SPTBN2: variants seen among roughly 807,000 people sequenced by gnomAD.
SPTBN2 encodes spectrin beta chain, non-erythrocytic 2.
A neutral mutation model predicts 284.2 loss-of-function variants in SPTBN2; 107 were observed. That is an observed-to-expected ratio of 0.38 (90% CI 0.32 to 0.44). The LOEUF is 0.44. Among genes scored for constraint, SPTBN2 ranks in the 20% least tolerant of loss-of-function variants. The pLI is 1.00. For synonymous variants in SPTBN2, 1,289 were observed against 1,354.8 expected, an observed-to-expected ratio of 0.95 and a Z score of 1.07; for missense variants, 2,569 against 3,287.1, an observed-to-expected ratio of 0.78 and a Z score of 5.34.
rs1271546485 is a variant in SPTBN2, at chr11:66,708,989, C to T, written c.1104G>A (p.Leu368=). 2 of 1,613,936 alleles carry T rather than the reference C, an allele frequency of 1.2e-6. No homozygotes were observed. Among genetic ancestry groups the T allele is most frequent in the Non-Finnish European group, 1.7e-6 (2 of 1,179,962 alleles). The change falls in exon 11 of 38, where the codon CTG becomes CTA. Residue 368 remains leucine, a synonymous_variant. Coordinates refer to ENST00000533211, the MANE Select transcript of SPTBN2 (RefSeq NM_006946.4). This position sits in a 1 kb window ranked among gnomAD's most constrained non-coding sequence, Gnocchi z 4.4. ...GAAGCTTGCTCTGGATGGTGAAGAG[C>T]AGCACTTCCAAGTTCCCTTTCTCGG... The part of the protein sequence containing the change: ...KFTEKGNLEV[L]LFTIQSKLRA...
intron 1 of SPTBN2, among the ~76,000 whole-genome samples, chr11:66,724,768 A>C (rs1043155447): frequency 6.6e-6 from 1 of 152,138 alleles, no homozygotes; most frequent in Admixed American, 6.5e-5. Context: ...GAAGCCAGAA[A>C]GGTTCTGCCT....
At chr11:66,719,226 A>C (rs1282012309) in intron 3 of SPTBN2, among the ~76,000 whole-genome samples, 1 of 152,242 alleles carries the variant, frequency 6.6e-6, no homozygotes, top group Non-Finnish European at 1.5e-5. Flanking sequence ...CTGTGAAACG[A>C]GGGCTGTTAC....
At chr11:66,738,676 C>T (rs558477541) in intron 1 of SPTBN2, among the ~76,000 whole-genome samples, 55 of 151,290 alleles carry the variant, frequency 3.6e-4, no homozygotes, top group South Asian at 2.1e-3. Flanking sequence ...CCACCACGCC[C>T]GGCTAATTTT....
chr11:66,720,603 C>G (rs1942352138), intron 3 of SPTBN2, among the ~76,000 whole-genome samples: 1 of 152,004 alleles, frequency 6.6e-6, no homozygotes, highest in Non-Finnish European at 1.5e-5. Context: ...AGGGAACAGG[C>G]AGATGAGATA....
intron 1 of SPTBN2, among the ~76,000 whole-genome samples, chr11:66,737,064 T>G (rs1441924177): frequency 6.6e-6 from 1 of 152,252 alleles, no homozygotes; most frequent in Non-Finnish European, 1.5e-5. Context: ...TAAATAGTGC[T>G]TGTCAGATGC....
intron 27 of SPTBN2, 31 bp from the exon 28 acceptor site, chr11:66,690,314 G>C: frequency 6.4e-7 from 1 of 1,569,282 alleles, no homozygotes; most frequent in Non-Finnish European, 8.6e-7. Context: ...GTCAGGCAGA[G>C]CGGGGGACTC....
chr11:66,721,383 G>T lies in SPTBN2; in HGVS notation c.-56C>A. 8.5e-7 allele frequency: 1 copy of T among 1,180,900 alleles called. No homozygotes were observed. Among genetic ancestry groups the T allele is most frequent in the Non-Finnish European group, 1.2e-6 (1 of 805,946 alleles). The allele number at this position is 1,180,900 out of a possible 1,614,324, so 73.2% of individuals were successfully genotyped here. On this transcript the variant is annotated 5_prime_UTR_variant, in exon 2 of 38. Coordinates refer to ENST00000533211, the MANE Select transcript of SPTBN2 (RefSeq NM_006946.4). ...CGCTCTCCTTGTGGCCAGAGGCTGCGGTTGGCTGCTCAGTGGAAATCAGCC... is the reference window on the plus strand; with the variant it reads ...CGCTCTCCTTGTGGCCAGAGGCTGCTGTTGGCTGCTCAGTGGAAATCAGCC...
At position 66,688,042 on chromosome 11, in the gene SPTBN2, T is replaced by C. The variant is rs1263554387; in HGVS notation, c.6412A>G (p.Ser2138Gly). Reference sequence around the variant, plus strand: ...CCATCTGTGCAGACTCCATTAACACTGGGTGCTTGTGTGGATGGTGGTGGC... The same window carrying C: ...CCATCTGTGCAGACTCCATTAACACCGGGTGCTTGTGTGGATGGTGGTGGC... The part of the protein sequence containing the change: ...PRPPPSTQAP[S>G]VNGVCTDGEP... Residue 2138 changes from serine (S) to glycine (G), a missense_variant, in exon 33 of 38, where the codon AGT (serine) becomes GGT (glycine). Physicochemically the swap from Ser to Gly is moderately conservative, Grantham distance 56. Transcript: ENST00000533211. 1 of 1,614,042 alleles carries C rather than the reference T, an allele frequency of 6.2e-7. No homozygotes were observed. The highest frequency in any genetic ancestry group is 8.5e-7 in the Non-Finnish European group (1 of 1,180,030).
rs1941419029 is a variant in SPTBN2, at chr11:66,704,581, G to A, written c.2678+17C>T. The A allele has an allele frequency of 6.2e-7, 1 of 1,608,424 alleles. No individual in the cohort carries two copies. Among genetic ancestry groups the A allele is most frequent in the Admixed American group, 1.7e-5 (1 of 59,726 alleles). ...CACCTCCCAAGGCTGGTCCCACTAG[G>A]AGCCTGAGGGGCCTACCTCTGCTGC... is the stretch of plus-strand genomic sequence containing the variant. On this transcript the variant is annotated intron_variant, in intron 15 of 37. Transcript: ENST00000533211.
At chr11:66,724,257 A>C (rs985572231) in intron 1 of SPTBN2, among the ~76,000 whole-genome samples, 1 of 152,172 alleles carries the variant, frequency 6.6e-6, no homozygotes, top group African/African-American at 2.4e-5. Flanking sequence ...CCCCGTCTCT[A>C]CTAAAAATAC....
chr11:66,705,794 A>G lies in SPTBN2; in HGVS notation c.1697T>C (p.Val566Ala), dbSNP rs751682169. The change falls in exon 14 of 38, where the codon GTG (valine) becomes GCG (alanine). Residue 566 changes from valine to alanine, a missense_variant. By Grantham distance (64) the Val-to-Ala change is moderately conservative. This residue lies in a region of SPTBN2 where 1,012 missense variants were observed against 1,248.9 expected (regional missense o/e 0.81). Transcript: ENST00000533211. The stretch of plus-strand genomic sequence containing the variant: ...CTCGTGCAGCTGCAGCAGGTCCTCC[A>G]CTCCTGCTAGGTGCCTGCCCAGGTC... Reference protein sequence around the residue: ...SQDLGRHLAGVEDLLQLHELV... With the variant: ...SQDLGRHLAGAEDLLQLHELV... The G allele has an allele frequency of 3.1e-6, 5 of 1,611,710 alleles. No homozygotes were observed. The highest frequency in any genetic ancestry group is 8.5e-7 in the Non-Finnish European group (1 of 1,179,684).
In SPTBN2 at chr11:66,693,140, G is replaced by A; in HGVS notation, c.4855-40C>T. The A allele has an allele frequency of 2.5e-6, 4 of 1,614,208 alleles. No individual in the cohort carries two copies. The highest frequency in any genetic ancestry group is 3.4e-6 in the Non-Finnish European group (4 of 1,180,034). ...AGTGGCATCCAGCATCAGGTCAGGG[G>A]AGGGCAGAACTGGTCACATACACTG... On this transcript the variant is annotated intron_variant, in intron 24 of 37. Coordinates refer to ENST00000533211, the MANE Select transcript of SPTBN2 (RefSeq NM_006946.4). The surrounding 1 kb of genome is among the most constrained non-coding windows in gnomAD (Gnocchi z 5.7).
intron 3 of SPTBN2, among the ~76,000 whole-genome samples, chr11:66,717,477 A>G (rs928559626): frequency 2.0e-5 from 3 of 152,138 alleles, no homozygotes; most frequent in Non-Finnish European, 4.4e-5. Context: ...AGACACAGCA[A>G]CACACCCACG....
intron 8 of SPTBN2, chr11:66,712,957 C>T (rs548808761): frequency 9.1e-5 from 14 of 153,464 alleles, no homozygotes; most frequent in East Asian, 7.8e-4. Flanking sequence ...GTGATCCTCT[C>T]GCCTCAGCCT....
At chr11:66,692,320 T>C (rs142647969) in intron 26 of SPTBN2, among the ~76,000 whole-genome samples, 1 of 152,198 alleles carries the variant, frequency 6.6e-6, no homozygotes, top group Non-Finnish European at 1.5e-5. Flanking sequence ...CAAGCAATCC[T>C]CCCATCTCAG....
Position 66,691,240 on chromosome 11 carries a change from G to GGCCTCCTCTAAGCCTCCCCC in SPTBN2, c.5565+24_5565+43dup, listed in dbSNP as rs1319912320. 1 of 1,501,248 alleles carries GGCCTCCTCTAAGCCTCCCCC rather than the reference G, an allele frequency of 6.7e-7. No individual in the cohort carries two copies. The highest frequency in any genetic ancestry group is 2.3e-5 in the East Asian group (1 of 43,192). 93.0% of individuals were successfully genotyped at this position (1,501,248 alleles called of 1,614,324 possible). A position where few individuals can be genotyped will look rare whatever the true frequency, so the allele number is the denominator to read the frequency against. ...GAACTCTCCCCGGCATTTCCCCCATGGCCTCCTCTAAGCCTCCCCCACCTC... is the reference window on the plus strand; with the variant it reads ...GAACTCTCCCCGGCATTTCCCCCATGGCCTCCTCTAAGCCTCCCCCGCCTCCTCTAAGCCTCCCCCACCTC... On this transcript the variant is annotated intron_variant, in intron 27 of 37. Transcript: ENST00000533211. This position sits in a 1 kb window ranked among gnomAD's most constrained non-coding sequence, Gnocchi z 8.0.
Position 66,704,957 on chromosome 11 carries a change from G to A in SPTBN2, c.2319C>T (p.Pro773=), listed in dbSNP as rs149067190. 118 of 1,609,754 alleles carry A rather than the reference G, an allele frequency of 7.3e-5. No individual in the cohort carries two copies. The African/African-American group carries it at 1.1e-3, about 15-fold the overall frequency. Reference sequence around the variant, plus strand: ...TGGAGAACTCGTCGTGCCCCAGCTCGGGGCTGGACACCAGGCGCAGTGCGT... The same window carrying A: ...TGGAGAACTCGTCGTGCCCCAGCTCAGGGCTGGACACCAGGCGCAGTGCGT... The part of the protein sequence containing the change: ...LVDALRLVSS[P]ELGHDEFSTQ... The change falls in exon 15 of 38, where the codon CCC becomes CCT. Residue 773 remains proline, a synonymous_variant. Coordinates refer to ENST00000533211, the MANE Select transcript of SPTBN2 (RefSeq NM_006946.4).
rs1482485996 is a variant in SPTBN2, at chr11:66,691,569, C to T, written c.5280G>A (p.Gly1760=). The change falls in exon 27 of 38, where the codon GGG becomes GGA. Residue 1760 remains glycine (G), a synonymous_variant. Coordinates refer to ENST00000533211, the MANE Select transcript of SPTBN2 (RefSeq NM_006946.4). This position sits in a 1 kb window ranked among gnomAD's most constrained non-coding sequence, Gnocchi z 8.0. ...GTGCAGCATGGCCCCCAGCAATGAG[C>T]CCATTGGCCAGCGCATTGGCGCTAT... is the stretch of plus-strand genomic sequence containing the variant. ...RVDSANALAN[G]LIAGGHAARA... is the part of the protein sequence containing the mutation. The T allele has an allele frequency of 6.2e-7, 1 of 1,613,702 alleles. No homozygotes were observed. The highest frequency in any genetic ancestry group is 1.3e-5 in the African/African-American group (1 of 75,076).
intron 17 of SPTBN2, among the ~76,000 whole-genome samples, chr11:66,699,815 C>A (rs556236879): frequency 6.6e-6 from 1 of 152,316 alleles, no homozygotes. Flanking sequence ...ACCTTCCATT[C>A]CCCAGCCCAA....
Sources: allele counts gnomAD v4.1 joint callset (sites outside exome capture counted in the v4.1 genomes callset), GRCh38; gene constraint gnomAD v4.1.1; regional missense constraint gnomAD v4.1.1; non-coding constraint Gnocchi (gnomAD v3.1); transcripts MANE v1.5; gene names NCBI Gene and HGNC (gene_info 2026-07-23, HGNC 2026-07-21).